Variants in PLCH2 observed in about 807,000 individuals in gnomAD.
PLCH2 encodes phospholipase C eta 2.
Under a neutral mutation model 134.7 loss-of-function variants are expected in PLCH2, and 98 were observed. The observed-to-expected ratio is 0.73, with a 90% confidence interval of 0.62 to 0.86. The LOEUF (loss-of-function observed/expected upper bound fraction) is 0.86. Ranked by LOEUF, PLCH2 falls within the 40% of genes least tolerant of loss-of-function variation. The probability of loss-of-function intolerance (pLI) is 0.00; values close to 1 mark genes in which losing one functional copy is unlikely to be tolerated. For missense variants in PLCH2, 1,994 were observed against 1,986.6 expected (o/e 1.00, Z -0.07); for synonymous variants, 974 against 827.5 (o/e 1.18, Z -3.04).
At chr1:2,422,205 G>C (rs568599266), upstream of PLCH2, among the ~76,000 whole-genome samples, 54 of 152,332 alleles carry the variant, frequency 3.5e-4, 1 homozygote, top group African/African-American at 1.2e-3. Context: ...GGAGGTGGAA[G>C]TTGCAGTGAG....
intron 1 of PLCH2, among the ~76,000 whole-genome samples, chr1:2,467,971 G>A (rs1641146567): frequency 6.6e-6 from 1 of 152,250 alleles, no homozygotes; most frequent in Non-Finnish European, 1.5e-5. Flanking sequence ...TCCCTGCAAA[G>A]GGTCCAACAC....
At chr1:2,487,941 C>T (rs867091228) in intron 8 of PLCH2, among the ~76,000 whole-genome samples, 13 of 152,214 alleles carry the variant, frequency 8.5e-5, no homozygotes, top group Non-Finnish European at 1.6e-4. Flanking sequence ...CTCGTCCACA[C>T]GCCTGGTGGC....
At chr1:2,503,629 A>C in intron 21 of PLCH2, 2 of 696,944 alleles carry the variant, frequency 2.9e-6, no homozygotes, top group Non-Finnish European at 5.2e-6. Context: ...AGGAACTGAG[A>C]GCGGCGAGTG....
upstream of PLCH2, among the ~76,000 whole-genome samples, chr1:2,424,798 T>C (rs570324702): frequency 2.3e-4 from 35 of 152,266 alleles, no homozygotes; most frequent in South Asian, 1.0e-3. Context: ...CCATCCTGGC[T>C]AACACAGTGA....
rs145272295 is a variant in PLCH2 at position 2,439,764 on chromosome 1, G to C, written c.115+9135G>C. On this transcript the variant is annotated intron_variant, in intron 2 of 3. Transcript: ENST00000609981. This position sits in a 1 kb window ranked among gnomAD's most constrained non-coding sequence, Gnocchi z 4.7. The stretch of plus-strand genomic sequence containing the variant: ...GTCCCGGGGTCCGTGGGGAGAGCCC[G>C]TCAGAGTCCAGCTGGATTCTTCTCC... Among the ~76,000 whole-genome samples the C allele has an allele frequency of 1.3e-5, 2 of 152,110 alleles. No individual in the cohort carries two copies. The highest frequency in any genetic ancestry group is 2.4e-5 in the African/African-American group (1 of 41,428).
At chr1:2,433,502 G>A (rs561697841) in intron 2 of PLCH2, among the ~76,000 whole-genome samples, 1 of 152,172 alleles carries the variant, frequency 6.6e-6, no homozygotes, top group Non-Finnish European at 1.5e-5. Flanking sequence ...CACTGAGCTG[G>A]AGCTGGAGCG....
At chr1:2,481,057 C>T (rs911488671) in intron 4 of PLCH2, among the ~76,000 whole-genome samples, 3 of 152,246 alleles carry the variant, frequency 2.0e-5, no homozygotes, top group Non-Finnish European at 2.9e-5. Flanking sequence ...TACACGCACA[C>T]ACGTGCACAT....
chr1:2,482,901 G>A (rs1642051246), intron 4 of PLCH2, among the ~76,000 whole-genome samples: 1 of 152,196 alleles, frequency 6.6e-6, no homozygotes, highest in Non-Finnish European at 1.5e-5. Flanking sequence ...AGGACATTAA[G>A]CTGTCCTGAG....
At position 2,498,448 on chromosome 1, in the gene PLCH2, T is replaced by C; in HGVS notation, c.2225-75T>C. 6.6e-7 allele frequency: 1 copy of C among 1,517,652 alleles called. No homozygotes were observed. The highest frequency in any genetic ancestry group is 8.9e-7 in the Non-Finnish European group (1 of 1,121,874). 94.0% of individuals were successfully genotyped at this position (1,517,652 alleles called of 1,614,324 possible). A position where few individuals can be genotyped will look rare whatever the true frequency, so the allele number is the denominator to read the frequency against. ...TATGTGGGGGCTGGGGAGGGGGCTGTTGGCAGCCATGCCCCAGCAAGCAGG... is the reference window on the plus strand; with the variant it reads ...TATGTGGGGGCTGGGGAGGGGGCTGCTGGCAGCCATGCCCCAGCAAGCAGG... On this transcript the variant is annotated intron_variant, in intron 16 of 21. Transcript: ENST00000378486. This position sits in a 1 kb window ranked among gnomAD's most constrained non-coding sequence, Gnocchi z 5.4.
At chr1:2,425,524 G>A (rs1163856669), upstream of PLCH2, among the ~76,000 whole-genome samples, 1 of 152,064 alleles carries the variant, frequency 6.6e-6, no homozygotes, top group Non-Finnish European at 1.5e-5. Flanking sequence ...TTTTTAGGTG[G>A]CAGGCTTTAG....
intron 2 of PLCH2, among the ~76,000 whole-genome samples, chr1:2,437,728 A>G (rs1314444546): frequency 1.3e-5 from 2 of 152,236 alleles, no homozygotes; most frequent in East Asian, 3.8e-4. Context: ...GCAGACATGC[A>G]CATACACGTG....
At chr1:2,460,294 T>G (rs1338461778) in intron 2 of PLCH2, among the ~76,000 whole-genome samples, 1 of 152,248 alleles carries the variant, frequency 6.6e-6, no homozygotes, top group Non-Finnish European at 1.5e-5. Context: ...CTGCTCTGTG[T>G]CTCCCAGACC....
chr1:2,444,783 C>T lies in PLCH2; in HGVS notation c.115+14154C>T, dbSNP rs1639864640. ...AACTGCCCTTCCCCCATGGCCTTCT[C>T]CCTCCAGGAGAATGGACCCGATCGG... On this transcript the variant is annotated intron_variant, in intron 2 of 3. Transcript: ENST00000609981. The surrounding 1 kb of genome is among the most constrained non-coding windows in gnomAD (Gnocchi z 4.6). 6.6e-6 allele frequency among the ~76,000 whole-genome samples: 1 copy of T among 152,050 alleles called. No homozygotes were observed. The highest frequency in any genetic ancestry group is 2.4e-5 in the African/African-American group (1 of 41,376).
chr1:2,423,232 C>A (rs369038824), upstream of PLCH2, among the ~76,000 whole-genome samples: 1 of 152,052 alleles, frequency 6.6e-6, no homozygotes, highest in Non-Finnish European at 1.5e-5. Flanking sequence ...CTGTCCCCCA[C>A]GCTGGAATGC....
chr1:2,477,696 A>C (rs1641708781), intron 1 of PLCH2, among the ~76,000 whole-genome samples: 1 of 152,128 alleles, frequency 6.6e-6, no homozygotes. Context: ...AGGGGAGAGA[A>C]GGAGCGAGGC....
At chr1:2,479,273 G>A (rs1036208572) in intron 2 of PLCH2, 4 of 167,640 alleles carry the variant, frequency 2.4e-5, no homozygotes, top group Admixed American at 5.5e-5. Flanking sequence ...AGAGAGTCGC[G>A]CTGCGGAGCC....
At chr1:2,437,956 C>G (rs1639511217) in intron 2 of PLCH2, among the ~76,000 whole-genome samples, 2 of 152,248 alleles carry the variant, frequency 1.3e-5, no homozygotes, top group South Asian at 4.1e-4. Flanking sequence ...CACGATCTGG[C>G]CCTTGCCTGC....
chr1:2,450,124 C>T (rs935360148), intron 2 of PLCH2, among the ~76,000 whole-genome samples: 3 of 152,240 alleles, frequency 2.0e-5, no homozygotes, highest in Non-Finnish European at 4.4e-5. Flanking sequence ...TGTCCAGGAA[C>T]AGGCACCCTG....
In PLCH2 at chr1:2,447,677, T is replaced by C. The variant is rs1640004737; in HGVS notation, c.115+17048T>C. On this transcript the variant is annotated intron_variant, in intron 2 of 3. Transcript: ENST00000609981. ...AATGTCCCCAGCTTGATCTCTCAGGTTGGGCCCAGGGAGACGCCTGACTGG... is the reference window on the plus strand; with the variant it reads ...AATGTCCCCAGCTTGATCTCTCAGGCTGGGCCCAGGGAGACGCCTGACTGG... 2.6e-5 allele frequency among the ~76,000 whole-genome samples: 4 copies of C among 152,154 alleles called. No homozygotes were observed. The South Asian group carries it at 8.3e-4, about 32-fold the overall frequency.
Sources: gnomAD v4.1 joint callset for allele counts (sites outside exome capture counted in the v4.1 genomes callset) on GRCh38, gnomAD v4.1.1 for gene constraint, Gnocchi (gnomAD v3.1) non-coding constraint, MANE v1.5 for transcripts, NCBI Gene and HGNC (gene_info 2026-07-23, HGNC 2026-07-21) for gene names.